Variants in PDE8A observed in about 807,000 individuals in gnomAD.
PDE8A encodes the protein phosphodiesterase 8A, also known as high affinity cAMP-specific and IBMX-insensitive 3',5'-cyclic phosphodiesterase 8A.
Under a neutral mutation model 105.0 loss-of-function variants are expected in PDE8A, and 59 were observed. The ratio of observed to expected loss-of-function variants is 0.56; its 90% CI spans 0.46 to 0.70. PDE8A has a LOEUF of 0.70. Ranked by LOEUF, PDE8A falls within the 30% of genes least tolerant of loss-of-function variation. The pLI, the probability that PDE8A is intolerant of heterozygous loss-of-function variation, is 0.00. For synonymous variants in PDE8A, 355 were observed against 371.9 expected (o/e 0.95, Z 0.52); for missense variants, 1,014 against 1,045.9 (o/e 0.97, Z 0.42).
At chr15:85,016,891 T>C (rs1447337539) in intron 1 of PDE8A, among the ~76,000 whole-genome samples, 1 of 152,188 alleles carries the variant, frequency 6.6e-6, no homozygotes, top group Admixed American at 6.5e-5. Flanking sequence ...AGATGTTCTA[T>C]TATTTTTTGC....
At chr15:85,049,963 G>T (rs1048944298) in intron 1 of PDE8A, among the ~76,000 whole-genome samples, 1 of 152,144 alleles carries the variant, frequency 6.6e-6, no homozygotes, top group African/African-American at 2.4e-5. Context: ...GGGCACAGAG[G>T]TTCCAGTTTT....
intron 1 of PDE8A, among the ~76,000 whole-genome samples, chr15:85,030,930 A>G (rs562899432): frequency 3.3e-5 from 5 of 152,146 alleles, no homozygotes; most frequent in Admixed American, 6.5e-5. Flanking sequence ...ATCTGTTTAT[A>G]TTTTTATATC....
At position 85,089,425 on chromosome 15, in the gene PDE8A, T is replaced by C. The variant is rs1324903580; in HGVS notation, c.714+9T>C. 4.0e-6 allele frequency: 6 copies of C among 1,492,212 alleles called. No individual in the cohort carries two copies. Among genetic ancestry groups the C allele is most frequent in the Non-Finnish European group, 5.6e-6 (6 of 1,079,478 alleles). 92.4% of individuals were successfully genotyped at this position (1,492,212 alleles called of 1,614,324 possible). A position where few individuals can be genotyped will look rare whatever the true frequency, so the allele number is the denominator to read the frequency against. ...AAGACCGTTTTATACAGGTTTGTTA[T>C]TTTGGAAATCTGTCTTTCTGGATTT... On this transcript the variant is annotated intron_variant, in intron 7 of 21. Transcript: ENST00000394553.
chr15:85,003,906 A>G (rs965426587), intron 1 of PDE8A, among the ~76,000 whole-genome samples: 1 of 152,206 alleles, frequency 6.6e-6, no homozygotes, highest in African/African-American at 2.4e-5. Context: ...TTTATCTTCA[A>G]CATATGGTTG....
intron 1 of PDE8A, among the ~76,000 whole-genome samples, chr15:84,997,623 G>C (rs1254014945): frequency 2.0e-5 from 3 of 149,834 alleles, no homozygotes; most frequent in African/African-American, 7.4e-5. Flanking sequence ...ACAGAGTTTT[G>C]CTCTCGTTGC....
chr15:84,991,433 T>G lies in PDE8A; in HGVS notation c.186+9085T>G, dbSNP rs371991649. 1.2e-4 allele frequency among the ~76,000 whole-genome samples: 18 copies of G among 152,304 alleles called. 1 individual carries two copies. In the East Asian group the frequency reaches 3.5e-3, roughly 29 times the overall value. ...AAATTAAACCCACAATGAAATAACA[T>G]TTTATACTCATCAAATTGGCAGACA... On this transcript the variant is annotated intron_variant, in intron 1 of 21. Coordinates refer to ENST00000394553, the MANE Select transcript of PDE8A (RefSeq NM_002605.3).
chr15:85,105,821 T>C (rs1341371022), intron 11 of PDE8A, among the ~76,000 whole-genome samples: 1 of 152,146 alleles, frequency 6.6e-6, no homozygotes, highest in Non-Finnish European at 1.5e-5. Flanking sequence ...CATGAGGCCC[T>C]GGGCGCAGCA....
chr15:85,068,072 C>T (rs2081258320), intron 3 of PDE8A, among the ~76,000 whole-genome samples: 1 of 151,870 alleles, frequency 6.6e-6, no homozygotes, highest in Admixed American at 6.6e-5. Context: ...GACGGAGTCT[C>T]ACTCTGTAAC....
intron 1 of PDE8A, among the ~76,000 whole-genome samples, chr15:85,027,500 T>C (rs1259568135): frequency 2.0e-5 from 3 of 152,324 alleles, no homozygotes; most frequent in Non-Finnish European, 4.4e-5. Context: ...ACATGCTATG[T>C]GTGTTGCCAA....
intron 1 of PDE8A, among the ~76,000 whole-genome samples, chr15:84,994,253 A>G (rs922449728): frequency 2.6e-5 from 4 of 152,198 alleles, no homozygotes; most frequent in African/African-American, 9.7e-5. Context: ...TGGTTGCAGC[A>G]TACTTCCTTA....
chr15:85,059,308 C>T (rs1455638979), intron 1 of PDE8A, among the ~76,000 whole-genome samples: 2 of 152,132 alleles, frequency 1.3e-5, no homozygotes, highest in African/African-American at 4.8e-5. Context: ...TTGAGAATGT[C>T]CCATGTGCAC....
At chr15:85,037,367 A>G (rs2080725609) in intron 1 of PDE8A, among the ~76,000 whole-genome samples, 1 of 152,164 alleles carries the variant, frequency 6.6e-6, no homozygotes. Context: ...ACCCAGCCTG[A>G]TCACTTTCTT....
chr15:85,011,023 T>C (rs1478060496), intron 1 of PDE8A, among the ~76,000 whole-genome samples: 3 of 152,192 alleles, frequency 2.0e-5, no homozygotes, highest in Non-Finnish European at 2.9e-5. Context: ...CCCTATTTCC[T>C]TTTTCTCTCC....
intron 17 of PDE8A, among the ~76,000 whole-genome samples, chr15:85,118,393 T>C (rs1320926524): frequency 1.3e-5 from 2 of 152,142 alleles, no homozygotes; most frequent in African/African-American, 2.4e-5. Flanking sequence ...CTGTCACACC[T>C]AAATGTTCTC....
intron 1 of PDE8A, among the ~76,000 whole-genome samples, chr15:85,041,473 G>T (rs2080807102): frequency 6.6e-6 from 1 of 152,204 alleles, no homozygotes; most frequent in Non-Finnish European, 1.5e-5. Context: ...CTGTGGAGAT[G>T]CACATCCTCT....
chr15:85,106,855 G>C (rs1232001607), intron 11 of PDE8A, among the ~76,000 whole-genome samples: 1 of 152,208 alleles, frequency 6.6e-6, no homozygotes, highest in African/African-American at 2.4e-5. Context: ...CACAGAATCA[G>C]AGTGGCTGAT....
At chr15:85,030,021 G>A (rs1458209310) in intron 1 of PDE8A, among the ~76,000 whole-genome samples, 1 of 152,166 alleles carries the variant, frequency 6.6e-6, no homozygotes, top group East Asian at 1.9e-4. Flanking sequence ...GGAACATCTA[G>A]TGGCTTCCAC....
At chr15:85,109,561 A>C (rs1344031550) in intron 12 of PDE8A, among the ~76,000 whole-genome samples, 1 of 152,212 alleles carries the variant, frequency 6.6e-6, no homozygotes, top group Non-Finnish European at 1.5e-5. Context: ...TTCTAATTGA[A>C]ATATACTTTT....
chr15:85,049,564 A>G (rs1194652531), intron 1 of PDE8A, among the ~76,000 whole-genome samples: 1 of 152,218 alleles, frequency 6.6e-6, no homozygotes, highest in East Asian at 1.9e-4. Flanking sequence ...TTTTATGCAT[A>G]TACCACATTT....
Sources: gnomAD v4.1 joint callset for allele counts (sites outside exome capture counted in the v4.1 genomes callset) on GRCh38, gnomAD v4.1.1 for gene constraint, MANE v1.5 for transcripts, NCBI Gene and HGNC (gene_info 2026-07-23, HGNC 2026-07-21) for gene names.